ZEB1: variants seen among roughly 807,000 people sequenced by gnomAD.
ZEB1 encodes the protein zinc finger E-box binding homeobox 1, also known as zinc finger E-box-binding homeobox 1.
In ZEB1, 21 loss-of-function variants were observed where a neutral mutation model predicts 84.9. The ratio of observed to expected loss-of-function variants is 0.25; its 90% CI spans 0.18 to 0.36. The LOEUF (loss-of-function observed/expected upper bound fraction) is 0.36. Among genes scored for constraint, ZEB1 ranks in the 10% least tolerant of loss-of-function variants. The pLI is 1.00. For synonymous variants in ZEB1, 420 were observed against 471.1 expected, an observed-to-expected ratio of 0.89 and a Z score of 1.41; for missense variants, 1,104 against 1,330.2, an observed-to-expected ratio of 0.83 and a Z score of 2.65.
chr10:31,521,150 A>C lies in ZEB1; in HGVS notation c.1818A>C (p.Gln606His). The C allele has an allele frequency of 6.2e-7, 1 of 1,614,054 alleles. No individual in the cohort carries two copies. Among genetic ancestry groups the C allele is most frequent in the Non-Finnish European group, 8.5e-7 (1 of 1,180,004 alleles). The change falls in exon 7 of 9, where the codon CAA (glutamine) becomes CAC (histidine). Residue 606 changes from glutamine to histidine, a missense_variant. Gln to His is a conservative substitution (Grantham distance 24). Coordinates refer to ENST00000424869, the MANE Select transcript of ZEB1 (RefSeq NM_001174096.2). ...AAGCATATTATGCTTTGAATGCACA[A>C]CCAAGTGCAGAAGAGCTCTCAAAAA... Reference protein sequence around the residue: ...LLKAYYALNAQPSAEELSKIA... With the variant: ...LLKAYYALNAHPSAEELSKIA...
intron 1 of ZEB1, among the ~76,000 whole-genome samples, chr10:31,402,727 A>T (rs2052293998): frequency 6.6e-6 from 1 of 152,204 alleles, no homozygotes; most frequent in East Asian, 1.9e-4. Flanking sequence ...ATAATGAAAC[A>T]AGGATAAAGT....
chr10:31,464,142 G>C (rs2062117295), intron 2 of ZEB1, among the ~76,000 whole-genome samples: 1 of 152,072 alleles, frequency 6.6e-6, no homozygotes, highest in Non-Finnish European at 1.5e-5. Context: ...CAGGGTTAAA[G>C]AAAAATTAAT....
rs1315865678 is a variant in ZEB1 at position 31,520,788 on chromosome 10, C to A, written c.1456C>A (p.Leu486Ile). 1 of 1,613,868 alleles carries A rather than the reference C, an allele frequency of 6.2e-7. No individual in the cohort carries two copies. The highest frequency in any genetic ancestry group is 2.2e-5 in the East Asian group (1 of 44,862). ...CTACAGTCTTGAGCAGCCTAGCCAA[C>A]TTCAAGTTGTTCCTCAAAATTTAAA... ...INYSLEQPSQLQVVPQNLKKE... is the reference protein window; with the variant it reads ...INYSLEQPSQIQVVPQNLKKE... Residue 486 changes from leucine to isoleucine, a missense_variant, in exon 7 of 9, where the codon CTT becomes ATT. Leu to Ile is a conservative substitution (Grantham distance 5). Coordinates refer to ENST00000424869, the MANE Select transcript of ZEB1 (RefSeq NM_001174096.2). This position sits in a 1 kb window ranked among gnomAD's most constrained non-coding sequence, Gnocchi z 5.1.
intron 1 of ZEB1, among the ~76,000 whole-genome samples, chr10:31,438,723 G>C (rs971242289): frequency 1.3e-5 from 2 of 152,160 alleles, no homozygotes; most frequent in Admixed American, 1.3e-4. Flanking sequence ...CAGGCCTTTA[G>C]TCCCAGCTAC....
chr10:31,525,734 G>A (rs902211651), intron 8 of ZEB1, among the ~76,000 whole-genome samples: 1 of 152,150 alleles, frequency 6.6e-6, no homozygotes, highest in African/African-American at 2.4e-5. Context: ...TTCATACAGT[G>A]ACACTTGGAA....
chr10:31,401,718 C>T (rs1015673912), intron 1 of ZEB1, among the ~76,000 whole-genome samples: 2 of 152,004 alleles, frequency 1.3e-5, no homozygotes, highest in African/African-American at 4.8e-5. Flanking sequence ...ATTTGTTATC[C>T]CATCAATTTT....
At chr10:31,477,484 T>G (rs1467809499) in intron 2 of ZEB1, among the ~76,000 whole-genome samples, 1 of 151,982 alleles carries the variant, frequency 6.6e-6, no homozygotes, top group Non-Finnish European at 1.5e-5. Context: ...CCAATGTCAT[T>G]CTTCACAGAA....
rs2073712050 is a variant in ZEB1, at chr10:31,527,449, AC to A, written c.*186del. The A allele has an allele frequency of 9.4e-6, 7 of 741,154 alleles. No individual in the cohort carries two copies. The highest frequency in any genetic ancestry group is 7.2e-5 in the African/African-American group (4 of 55,332). The allele number at this position is 741,154 out of a possible 1,614,324, so 45.9% of individuals were successfully genotyped here. A position where few individuals can be genotyped will look rare whatever the true frequency, so the allele number is the denominator to read the frequency against. ...CACACACACACACACACACACACAC[AC>A]ACAAAATAAATCCGGGTGTGCCTGA... On this transcript the variant is annotated 3_prime_UTR_variant, in exon 9 of 9. Coordinates refer to ENST00000424869, the MANE Select transcript of ZEB1 (RefSeq NM_001174096.2).
intron 5 of ZEB1, among the ~76,000 whole-genome samples, chr10:31,512,939 A>G (rs891343607): frequency 6.6e-6 from 1 of 152,178 alleles, no homozygotes; most frequent in Non-Finnish European, 1.5e-5. Flanking sequence ...CACTGAGAAC[A>G]GCAGAGGCCA....
At chr10:31,456,290 A>G (rs552852279) in intron 1 of ZEB1, among the ~76,000 whole-genome samples, 54 of 152,214 alleles carry the variant, frequency 3.5e-4, no homozygotes, top group Non-Finnish European at 6.2e-4. Flanking sequence ...ATAGCATTAG[A>G]AGAAATACCT....
intron 1 of ZEB1, among the ~76,000 whole-genome samples, chr10:31,441,460 G>A (rs950910571): frequency 6.6e-6 from 1 of 152,176 alleles, no homozygotes; most frequent in African/African-American, 2.4e-5. Context: ...AACCCTAGAA[G>A]AAAACCTAGG....
intron 1 of ZEB1, among the ~76,000 whole-genome samples, chr10:31,386,130 A>G (rs565550551): frequency 6.6e-6 from 1 of 152,094 alleles, no homozygotes; most frequent in African/African-American, 2.4e-5. Context: ...AACAGTTAAT[A>G]CTAAAGCATT....
At chr10:31,339,021 G>C (rs2038824059) in intron 1 of ZEB1, among the ~76,000 whole-genome samples, 1 of 152,098 alleles carries the variant, frequency 6.6e-6, no homozygotes, top group Non-Finnish European at 1.5e-5. Context: ...GAAGAAACTA[G>C]TAGTAGTAGT....
intron 1 of ZEB1, among the ~76,000 whole-genome samples, chr10:31,323,862 G>T (rs925699314): frequency 6.6e-6 from 1 of 151,770 alleles, no homozygotes; most frequent in South Asian, 2.1e-4. Flanking sequence ...ATCAATATCA[G>T]TACCGTAATG....
chr10:31,330,319 T>G (rs535416231), intron 1 of ZEB1, among the ~76,000 whole-genome samples: 1 of 152,306 alleles, frequency 6.6e-6, no homozygotes, highest in African/African-American at 2.4e-5. Flanking sequence ...ACTTCCCTGG[T>G]TTTGAACATT....
intron 1 of ZEB1, among the ~76,000 whole-genome samples, chr10:31,376,257 C>G (rs539685402): frequency 8.6e-5 from 13 of 151,686 alleles, no homozygotes; most frequent in African/African-American, 3.1e-4. Flanking sequence ...ATTATAAAAA[C>G]AAAGCAGTCC....
intron 1 of ZEB1, among the ~76,000 whole-genome samples, chr10:31,324,156 A>G (rs1056857678): frequency 6.6e-6 from 1 of 152,038 alleles, no homozygotes; most frequent in African/African-American, 2.4e-5. Context: ...AACTTAAAGT[A>G]TCTTATAAAT....
chr10:31,334,857 C>G (rs564406902), intron 1 of ZEB1, among the ~76,000 whole-genome samples: 70 of 151,924 alleles, frequency 4.6e-4, no homozygotes, highest in Middle Eastern at 3.4e-3. Flanking sequence ...AAATGGAATA[C>G]CCTTAAAACA....
chr10:31,398,157 A>G (rs1014315795), intron 1 of ZEB1, among the ~76,000 whole-genome samples: 7 of 152,190 alleles, frequency 4.6e-5, no homozygotes, highest in Non-Finnish European at 8.8e-5. Context: ...ATATTAAAAT[A>G]TAATCTTTGT....
Sources: allele counts gnomAD v4.1 joint callset (sites outside exome capture counted in the v4.1 genomes callset), GRCh38; gene constraint gnomAD v4.1.1; non-coding constraint Gnocchi (gnomAD v3.1); transcripts MANE v1.5; gene names NCBI Gene and HGNC (gene_info 2026-07-23, HGNC 2026-07-21).